LRP5: variants seen among roughly 807,000 people sequenced by gnomAD.
LRP5 encodes LDL receptor related protein 5, also known as low-density lipoprotein receptor-related protein 5.
LRP5 carries 62 observed loss-of-function variants against 154.1 expected under a neutral mutation model. That is an observed-to-expected ratio of 0.40 (90% CI 0.33 to 0.50). The LOEUF (loss-of-function observed/expected upper bound fraction) is 0.50. Ranked by LOEUF, LRP5 falls within the 20% of genes least tolerant of loss-of-function variation. LRP5 has a pLI of 0.55. For synonymous variants in LRP5, 966 were observed against 1,011.5 expected (o/e 0.96, Z 0.85); for missense variants, 1,915 against 2,336.7 (o/e 0.82, Z 3.72).
At chr11:68,439,965 C>T (rs1201168748) in intron 21 of LRP5, 49 bp downstream of exon 21, 11 of 1,469,740 alleles carry the variant, frequency 7.5e-6, no homozygotes, top group Non-Finnish European at 1.0e-5. Flanking sequence ...GCTGTGGGCC[C>T]CTCCCACCGT....
At chr11:68,335,555 C>A (rs2153122198) in intron 1 of LRP5, among the ~76,000 whole-genome samples, 1 of 152,108 alleles carries the variant, frequency 6.6e-6, no homozygotes, top group East Asian at 2.0e-4. Flanking sequence ...CAGAGTGAGA[C>A]CCTGTCTCTA....
chr11:68,339,747 A>G (rs764459740), intron 1 of LRP5, among the ~76,000 whole-genome samples: 4 of 152,192 alleles, frequency 2.6e-5, no homozygotes, highest in Non-Finnish European at 4.4e-5. Flanking sequence ...GGTTATGGAC[A>G]TTTGAGCTGT....
intron 5 of LRP5, among the ~76,000 whole-genome samples, chr11:68,371,607 C>T (rs1431132801): frequency 6.6e-6 from 1 of 152,254 alleles, no homozygotes; most frequent in East Asian, 1.9e-4. Context: ...TGCAGGTGCC[C>T]ATTGGTATTG....
chr11:68,427,737 G>A lies in LRP5; in HGVS notation c.3637+1550G>A, dbSNP rs563730517. On this transcript the variant is annotated intron_variant, in intron 16 of 22. Coordinates refer to ENST00000294304, the MANE Select transcript of LRP5 (RefSeq NM_002335.4). ...AAAGAGACCCTATCCCAAAAAAACC[G>A]AACACTGAATCCTTGAGACTGAGTA... Among the ~76,000 whole-genome samples the A allele has an allele frequency of 2.4e-4, 36 of 151,618 alleles. No individual in the cohort carries two copies. In the South Asian group the frequency reaches 2.5e-3, roughly 11 times the overall value.
rs747974546 is a variant in LRP5 at position 68,347,959 on chromosome 11, G to A, written c.204G>A (p.Val68=). The part of the protein sequence containing the change: ...VVSGLEDAAA[V]DFQFSKGAVY... ...GCGGCCTGGAGGATGCGGCCGCAGT[G>A]GACTTCCAGTTTTCCAAGGGAGCCG... The change falls in exon 2 of 23, where the codon GTG becomes GTA. Residue 68 remains valine, a synonymous_variant. Coordinates refer to ENST00000294304, the MANE Select transcript of LRP5 (RefSeq NM_002335.4). 1.2e-5 allele frequency: 19 copies of A among 1,614,016 alleles called. No individual in the cohort carries two copies. Among genetic ancestry groups the A allele is most frequent in the Non-Finnish European group, 1.5e-5 (18 of 1,180,040 alleles).
At chr11:68,404,993 GTC>G (rs2098654749) in intron 8 of LRP5, among the ~76,000 whole-genome samples, 2 of 137,074 alleles carry the variant, frequency 1.5e-5, no homozygotes, top group Middle Eastern at 3.8e-3. Context: ...AAAAAAAAAA[GTC>G]CAAAAAAAAA....
chr11:68,421,726 TGTGTGTGTG>T (rs2098665825), intron 13 of LRP5, among the ~76,000 whole-genome samples: 3 of 109,910 alleles, frequency 2.7e-5, no homozygotes, highest in Non-Finnish European at 5.9e-5. Context: ...GTGTGTGTGG[TGTGTGTGTG>T]GTGTGTGTGT....
intron 1 of LRP5, among the ~76,000 whole-genome samples, chr11:68,315,061 T>C (rs1051402127): frequency 5.3e-5 from 8 of 152,254 alleles, no homozygotes; most frequent in Non-Finnish European, 1.0e-4. Flanking sequence ...AGTTGCTTTC[T>C]CCCTTGCAGC....
chr11:68,313,669 C>A (rs2098590626), intron 1 of LRP5, among the ~76,000 whole-genome samples: 2 of 152,242 alleles, frequency 1.3e-5, no homozygotes, highest in African/African-American at 4.8e-5. Context: ...AAGCCTCTTG[C>A]TACCTAAATC....
rs1318843298 is a variant in LRP5 at position 68,409,063 on chromosome 11, A to AT, written c.2092-851_2092-850insT. Among the ~76,000 whole-genome samples, 160 of 26,946 alleles carry AT rather than the reference A, an allele frequency of 5.9e-3. 1 individual carries two copies. The highest frequency in any genetic ancestry group is 0.012 in the Admixed American group (24 of 2,024). 17.7% of individuals were successfully genotyped at this position (26,946 alleles called of 152,430 possible). On this transcript the variant is annotated intron_variant, in intron 9 of 22. Coordinates refer to ENST00000294304, the MANE Select transcript of LRP5 (RefSeq NM_002335.4). ...AGACTTATCTGGGGAAAAAAAAAAAAAAAAAAAAAAATATATATATATATA... is the reference window on the plus strand; with the variant it reads ...AGACTTATCTGGGGAAAAAAAAAAAATAAAAAAAAAAATATATATATATATA...
At chr11:68,327,110 G>A (rs2098600151) in intron 1 of LRP5, among the ~76,000 whole-genome samples, 1 of 152,232 alleles carries the variant, frequency 6.6e-6, no homozygotes, top group Admixed American at 6.5e-5. Context: ...GTGGGGGCCT[G>A]CGGTGGGATC....
In LRP5 at chr11:68,446,481, A is replaced by G; in HGVS notation, c.4534A>G (p.Asn1512Asp). The change falls in exon 22 of 23, where the codon AAC becomes GAC. Residue 1512 changes from asparagine (N) to aspartate (D), a missense_variant. Transcript: ENST00000294304. ...PSPATDPSLY[N>D]MDMFYSSNIP... ...CCCGGCCACGGACCCCTCCCTGTAC[A>G]ACATGGACATGTTCTACTCTTCAAA... 1 of 1,614,156 alleles carries G rather than the reference A, an allele frequency of 6.2e-7. No homozygotes were observed. The highest frequency in any genetic ancestry group is 8.5e-7 in the Non-Finnish European group (1 of 1,180,018).
chr11:68,375,382 G>A (rs17149031), intron 5 of LRP5, among the ~76,000 whole-genome samples: 7,105 of 152,172 alleles, frequency 0.047, 565 homozygotes, highest in African/African-American at 0.16. Flanking sequence ...ACCTTTTACC[G>A]CCTATTCCAA....
rs1298617071 is a variant in LRP5, at chr11:68,443,579, ATATATATTTTTT to A, written c.4489-2855_4489-2844del. ...TATATATATATATATATATATATAT[ATATATATTTTTT>A]TTTTTTTTGGTTATGTTCAGAAAGG... On this transcript the variant is annotated intron_variant, in intron 21 of 22. Coordinates refer to ENST00000294304, the MANE Select transcript of LRP5 (RefSeq NM_002335.4). 3.3e-4 allele frequency among the ~76,000 whole-genome samples: 13 copies of A among 39,940 alleles called. 1 individual carries two copies. The highest frequency in any genetic ancestry group is 9.4e-4 in the Admixed American group (3 of 3,186). The allele number at this position is 39,940 out of a possible 152,430, so 26.2% of individuals were successfully genotyped here. A position where few individuals can be genotyped will look rare whatever the true frequency, so the allele number is the denominator to read the frequency against.
chr11:68,424,937 G>A (rs530338673), intron 14 of LRP5, among the ~76,000 whole-genome samples, 165 bp from the exon 15 acceptor site: 5 of 152,340 alleles, frequency 3.3e-5, no homozygotes, highest in South Asian at 2.1e-4. Context: ...TGGGGTGAGC[G>A]GGAATTTGGA....
At chr11:68,378,187 T>A (rs541684384) in intron 5 of LRP5, among the ~76,000 whole-genome samples, 1 of 152,316 alleles carries the variant, frequency 6.6e-6, no homozygotes, top group East Asian at 1.9e-4. Flanking sequence ...AAAAACCTGT[T>A]TTCCCACATT....
intron 5 of LRP5, among the ~76,000 whole-genome samples, chr11:68,373,663 C>T (rs1315119080): frequency 6.6e-6 from 1 of 152,230 alleles, no homozygotes; most frequent in Non-Finnish European, 1.5e-5. Flanking sequence ...CCGGCCTCCC[C>T]ACCCCCTCCA....
chr11:68,384,655 C>T (rs1414217866), intron 5 of LRP5, among the ~76,000 whole-genome samples: 6 of 152,192 alleles, frequency 3.9e-5, no homozygotes, highest in Admixed American at 3.9e-4. Flanking sequence ...TCTGATAAAT[C>T]CAAACTGGGG....
At position 68,389,987 on chromosome 11, in the gene LRP5, G is replaced by A. The variant is rs765290711; in HGVS notation, c.1519G>A (p.Gly507Ser). ...CAATGCCTCCCTCGGGTGGCCCAAC[G>A]GCCTGGCCCTGGACCTGCAGGAGGG... ...LVNASLGWPNGLALDLQEGKL... is the reference protein window; with the variant it reads ...LVNASLGWPNSLALDLQEGKL... Residue 507 changes from glycine to serine, a missense_variant, in exon 7 of 23, where the codon GGC becomes AGC. Gly to Ser is a moderately conservative substitution (Grantham distance 56, BLOSUM62 0). Transcript: ENST00000294304. 24 of 1,614,036 alleles carry A rather than the reference G, an allele frequency of 1.5e-5. No individual in the cohort carries two copies. The highest frequency in any genetic ancestry group is 1.9e-5 in the Non-Finnish European group (22 of 1,180,040).
Sources: gnomAD v4.1 joint callset for allele counts (sites outside exome capture counted in the v4.1 genomes callset) on GRCh38, gnomAD v4.1.1 for gene constraint, MANE v1.5 for transcripts, NCBI Gene and HGNC (gene_info 2026-07-23, HGNC 2026-07-21) for gene names.